Variants in RFTN1 observed in about 807,000 individuals in gnomAD.
The protein encoded by RFTN1 is raftlin.
A neutral mutation model predicts 46.5 loss-of-function variants in RFTN1; 26 were observed. The observed-to-expected ratio is 0.56, with a 90% CI of 0.41 to 0.78. The LOEUF is 0.78. Ranked by LOEUF, RFTN1 falls within the 30% of genes least tolerant of loss-of-function variation. RFTN1 has a pLI of 0.00. For missense variants in RFTN1, 693 were observed against 718.7 expected, an observed-to-expected ratio of 0.96 and a Z score of 0.41; for synonymous variants, 261 against 284.2, an observed-to-expected ratio of 0.92 and a Z score of 0.82.
rs2074230665 is a variant in RFTN1, at chr3:16,387,610, C to CTCTCTCTCTCTCTCTCTA, written c.442-9509_442-9508insTAGAGAGAGAGAGAGAGA. On this transcript the variant is annotated intron_variant, in intron 4 of 9. Coordinates refer to ENST00000334133, the MANE Select transcript of RFTN1 (RefSeq NM_015150.2). This position sits in a 1 kb window ranked among gnomAD's most constrained non-coding sequence, Gnocchi z 5.2. ...TCTCTCTCTCTCTCTCTCTCTCTCT[C>CTCTCTCTCTCTCTCTCTA]TACTGGCTCCTTCCACTCAGCATAC... is the stretch of plus-strand genomic sequence containing the variant. Among the ~76,000 whole-genome samples, 1 of 132,520 alleles carries CTCTCTCTCTCTCTCTCTA rather than the reference C, an allele frequency of 7.5e-6. No individual in the cohort carries two copies. The highest frequency in any genetic ancestry group is 2.5e-4 in the South Asian group (1 of 3,972). The allele number at this position is 132,520 out of a possible 152,430, so 86.9% of individuals were successfully genotyped here.
At chr3:16,350,199 A>G (rs777140269) in intron 7 of RFTN1, 17 of 152,226 alleles carry the variant, frequency 1.1e-4, no homozygotes, top group Non-Finnish European at 2.4e-4. Flanking sequence ...GTCAGCTTAT[A>G]CAGAATGACC....
At chr3:16,394,090 G>A (rs1423212030) in intron 4 of RFTN1, among the ~76,000 whole-genome samples, 1 of 152,050 alleles carries the variant, frequency 6.6e-6, no homozygotes, top group Admixed American at 6.5e-5. Flanking sequence ...TGCAGGGCTG[G>A]GCATCATGGC....
chr3:16,380,777 G>T lies in RFTN1; in HGVS notation c.442-2675C>A, dbSNP rs1327646962. ...GCTCTAGAATACACATTTCATGAGG[G>T]CTGGGGTAGTTTGCACTGCTGCATC... is the stretch of plus-strand genomic sequence containing the variant. On this transcript the variant is annotated intron_variant, in intron 4 of 9. Coordinates refer to ENST00000334133, the MANE Select transcript of RFTN1 (RefSeq NM_015150.2). The surrounding 1 kb of genome is among the most constrained non-coding windows in gnomAD (Gnocchi z 4.8). Among the ~76,000 whole-genome samples the T allele has an allele frequency of 6.6e-6, 1 of 152,212 alleles. No individual in the cohort carries two copies. The highest frequency in any genetic ancestry group is 1.5e-5 in the Non-Finnish European group (1 of 68,028).
chr3:16,470,842 A>G (rs1367376927), intron 2 of RFTN1, among the ~76,000 whole-genome samples: 1 of 152,220 alleles, frequency 6.6e-6, no homozygotes, highest in Non-Finnish European at 1.5e-5. Flanking sequence ...AAAAAATGTT[A>G]CCCATTTTAA....
chr3:16,472,782 A>G (rs571585203), intron 2 of RFTN1, among the ~76,000 whole-genome samples: 40 of 152,326 alleles, frequency 2.6e-4, no homozygotes, highest in African/African-American at 9.6e-4. Context: ...TGGTCTCTTC[A>G]TTACACAGGA....
Position 16,358,056 on chromosome 3 carries a change from A to G in RFTN1, c.1031-9T>C. 6.5e-7 allele frequency: 1 copy of G among 1,534,980 alleles called. No homozygotes were observed. On this transcript the variant is annotated splice_polypyrimidine_tract_variant and intron_variant, in intron 6 of 9. Coordinates refer to ENST00000334133, the MANE Select transcript of RFTN1 (RefSeq NM_015150.2). ...CAAGCCATGTAAGGAATCTGTGGAA[A>G]AAGAAAAAGGCGGGGGTGGGGGGGG...
rs1030018537 is a variant in RFTN1 at position 16,448,194 on chromosome 3, T to A, written c.146-14157A>T. Among the ~76,000 whole-genome samples, 6 of 152,180 alleles carry A rather than the reference T, an allele frequency of 3.9e-5. No homozygotes were observed. Among genetic ancestry groups the A allele is most frequent in the Non-Finnish European group, 7.3e-5 (5 of 68,030 alleles). On this transcript the variant is annotated intron_variant, in intron 2 of 9. Transcript: ENST00000334133. The surrounding 1 kb of genome is among the most constrained non-coding windows in gnomAD (Gnocchi z 4.1). Reference sequence around the variant, plus strand: ...TTGAAATGATAAATTGTCTAAGATATTGGATTAAATAAAATATATCATGAA... The same window carrying A: ...TTGAAATGATAAATTGTCTAAGATAATGGATTAAATAAAATATATCATGAA...
At chr3:16,493,643 C>T in intron 2 of RFTN1, 82 bp downstream of exon 2, 1 of 1,234,640 alleles carries the variant, frequency 8.1e-7, no homozygotes, top group East Asian at 3.1e-5. Flanking sequence ...CCCCATCCAG[C>T]TCTCCAACTG....
chr3:16,426,648 C>T lies in RFTN1; in HGVS notation c.332+7203G>A, dbSNP rs2075294497. Among the ~76,000 whole-genome samples the T allele has an allele frequency of 7.2e-6, 1 of 138,338 alleles. No individual in the cohort carries two copies. Among genetic ancestry groups the T allele is most frequent in the South Asian group, 2.4e-4 (1 of 4,234 alleles). The allele number at this position is 138,338 out of a possible 152,430, so 90.8% of individuals were successfully genotyped here. A position where few individuals can be genotyped will look rare whatever the true frequency, so the allele number is the denominator to read the frequency against. The stretch of plus-strand genomic sequence containing the variant: ...TTGTGGCAAATCACTGTTATTTTGG[C>T]AATGAAAGGATCGTGTGTGTGTGTG... On this transcript the variant is annotated intron_variant, in intron 3 of 9. Coordinates refer to ENST00000334133, the MANE Select transcript of RFTN1 (RefSeq NM_015150.2). The surrounding 1 kb of genome is among the most constrained non-coding windows in gnomAD (Gnocchi z 5.9).
rs1266343606 is a variant in RFTN1, at chr3:16,512,367, A to ACCC, written c.-9+1074_-9+1075insGGG. Among the ~76,000 whole-genome samples, 4 of 152,024 alleles carry ACCC rather than the reference A, an allele frequency of 2.6e-5. No individual in the cohort carries two copies. The highest frequency in any genetic ancestry group is 2.0e-4 in the Admixed American group (3 of 15,274). On this transcript the variant is annotated intron_variant, in intron 1 of 9. Transcript: ENST00000334133. The surrounding 1 kb of genome is among the most constrained non-coding windows in gnomAD (Gnocchi z 4.3). ...CTGTACCGACTACAAGGGTTCCAGC[A>ACCC]CATGAGTTGCTGGAAACTGGGGTGA...
chr3:16,403,603 A>ATT (rs1234767438), intron 4 of RFTN1, among the ~76,000 whole-genome samples: 2 of 51,042 alleles, frequency 3.9e-5, no homozygotes, highest in African/African-American at 7.2e-5. Context: ...TATAATATAT[A>ATT]ATATATATAT....
rs34705903 is a variant in RFTN1, at chr3:16,426,660, CGTGT to C, written c.332+7187_332+7190del. Among the ~76,000 whole-genome samples the C allele has an allele frequency of 8.1e-3, 1,148 of 142,112 alleles. 7 individuals carry two copies. Among genetic ancestry groups the C allele is most frequent in the Non-Finnish European group, 0.011 (734 of 65,558 alleles). The allele number at this position is 142,112 out of a possible 152,430, so 93.2% of individuals were successfully genotyped here. ...ACTGTTATTTTGGCAATGAAAGGAT[CGTGT>C]GTGTGTGTGTGTGTGTGTGTGTGTG... On this transcript the variant is annotated intron_variant, in intron 3 of 9. Coordinates refer to ENST00000334133, the MANE Select transcript of RFTN1 (RefSeq NM_015150.2). The surrounding 1 kb of genome is among the most constrained non-coding windows in gnomAD (Gnocchi z 5.9).
rs946912673 is a variant in RFTN1 at position 16,449,024 on chromosome 3, G to A, written c.146-14987C>T. On this transcript the variant is annotated intron_variant, in intron 2 of 9. Coordinates refer to ENST00000334133, the MANE Select transcript of RFTN1 (RefSeq NM_015150.2). The surrounding 1 kb of genome is among the most constrained non-coding windows in gnomAD (Gnocchi z 5.1). ...CATCTCCCTCACACACTTAATAAAT[G>A]CATCCGTGTGGTATTAATGTTTCAA... Among the ~76,000 whole-genome samples, 3 of 152,170 alleles carry A rather than the reference G, an allele frequency of 2.0e-5. No homozygotes were observed. The highest frequency in any genetic ancestry group is 7.2e-5 in the African/African-American group (3 of 41,428).
chr3:16,362,175 A>G (rs1273610651), intron 6 of RFTN1, among the ~76,000 whole-genome samples: 1 of 152,196 alleles, frequency 6.6e-6, no homozygotes, highest in Non-Finnish European at 1.5e-5. Flanking sequence ...CCTTATCCTG[A>G]TATTATCCCA....
rs1050492607 is a variant in RFTN1, at chr3:16,450,004, C to T, written c.146-15967G>A. On this transcript the variant is annotated intron_variant, in intron 2 of 9. Coordinates refer to ENST00000334133, the MANE Select transcript of RFTN1 (RefSeq NM_015150.2). This position sits in a 1 kb window ranked among gnomAD's most constrained non-coding sequence, Gnocchi z 4.6. ...GCAGCAGGGGAAAGAGGTGGAATTG[C>T]GGCAGGAATACATTAAGGACATAGC... 1.3e-4 allele frequency among the ~76,000 whole-genome samples: 20 copies of T among 152,118 alleles called. No individual in the cohort carries two copies. The highest frequency in any genetic ancestry group is 3.9e-4 in the African/African-American group (16 of 41,420).
chr3:16,445,106 T>C (rs1366976821), intron 2 of RFTN1, among the ~76,000 whole-genome samples: 1 of 152,230 alleles, frequency 6.6e-6, no homozygotes, highest in East Asian at 1.9e-4. Flanking sequence ...CTATTAACAA[T>C]GTTAAGTGAG....
At chr3:16,359,563 G>A (rs1043460442) in intron 6 of RFTN1, among the ~76,000 whole-genome samples, 3 of 152,132 alleles carry the variant, frequency 2.0e-5, no homozygotes, top group South Asian at 2.1e-4. Flanking sequence ...GAAAAGCCAC[G>A]TGAGGACACA....
rs891845784 is a variant in RFTN1, at chr3:16,474,338, C to A, written c.145+19387G>T. On this transcript the variant is annotated intron_variant, in intron 2 of 9. Coordinates refer to ENST00000334133, the MANE Select transcript of RFTN1 (RefSeq NM_015150.2). The surrounding 1 kb of genome is among the most constrained non-coding windows in gnomAD (Gnocchi z 5.5). Reference sequence around the variant, plus strand: ...TGCAGGCCTCAGCCCAGAGCTGTGCCACACTACAGCCCATGCTTTTAATCA... The same window carrying A: ...TGCAGGCCTCAGCCCAGAGCTGTGCAACACTACAGCCCATGCTTTTAATCA... Among the ~76,000 whole-genome samples the A allele has an allele frequency of 1.3e-5, 2 of 152,242 alleles. No homozygotes were observed. Among genetic ancestry groups the A allele is most frequent in the African/African-American group, 4.8e-5 (2 of 41,460 alleles).
intron 2 of RFTN1, among the ~76,000 whole-genome samples, chr3:16,438,640 C>A (rs1440900373): frequency 1.4e-5 from 2 of 145,450 alleles, no homozygotes; most frequent in Non-Finnish European, 3.0e-5. Flanking sequence ...TCTATACCAG[C>A]TGCTCTCCTC....
Sources: allele counts gnomAD v4.1 joint callset (sites outside exome capture counted in the v4.1 genomes callset), GRCh38; gene constraint gnomAD v4.1.1; non-coding constraint Gnocchi (gnomAD v3.1); transcripts MANE v1.5; gene names NCBI Gene and HGNC (gene_info 2026-07-23, HGNC 2026-07-21).